Variants in KIF26B observed in about 807,000 individuals in gnomAD.
KIF26B encodes the protein kinesin family member 26B.
Under a neutral mutation model 151.2 loss-of-function variants are expected in KIF26B, and 63 were observed. The ratio of observed to expected loss-of-function variants is 0.42; its 90% CI spans 0.34 to 0.51. The LOEUF is 0.51. Among genes scored for constraint, KIF26B ranks in the 20% least tolerant of loss-of-function variants. KIF26B has a pLI of 0.07. For missense variants in KIF26B, 2,813 were observed against 2,913.6 expected (o/e 0.97, Z 0.79); for synonymous variants, 1,357 against 1,262.1 (o/e 1.08, Z -1.59).
In KIF26B at chr1:245,307,959, C is replaced by T. The variant is rs144396870; in HGVS notation, c.466-58875C>T. Among the ~76,000 whole-genome samples, 578 of 152,266 alleles carry T rather than the reference C, an allele frequency of 3.8e-3. 4 individuals are homozygous for T. Among genetic ancestry groups the T allele is most frequent in the South Asian group, 0.017 (84 of 4,824 alleles). On this transcript the variant is annotated intron_variant, in intron 2 of 14. Coordinates refer to ENST00000407071, the MANE Select transcript of KIF26B (RefSeq NM_018012.4). ...GTTTTACCATGTTGGCCAGGTCTAC[C>T]AGGAATCTTTAACTGGTTAATCTTT...
intron 5 of KIF26B, among the ~76,000 whole-genome samples, chr1:245,547,595 A>AAC (rs1661775482): frequency 6.6e-6 from 1 of 150,812 alleles, no homozygotes; most frequent in Admixed American, 6.6e-5. Flanking sequence ...CAAAAAAAAA[A>AAC]AAAAAAAAAA....
intron 2 of KIF26B, among the ~76,000 whole-genome samples, chr1:245,262,554 A>G (rs978890961): frequency 6.6e-6 from 1 of 151,974 alleles, no homozygotes; most frequent in Non-Finnish European, 1.5e-5. Context: ...TCTGGGGTTC[A>G]AGCGATTCTC....
rs768448794 is a variant in KIF26B, at chr1:245,241,946, T to C, written c.465+85263T>C. Among the ~76,000 whole-genome samples the C allele has an allele frequency of 2.6e-5, 4 of 152,176 alleles. No homozygotes were observed. The highest frequency in any genetic ancestry group is 5.9e-5 in the Non-Finnish European group (4 of 68,032). On this transcript the variant is annotated intron_variant, in intron 2 of 14. Transcript: ENST00000407071. The surrounding 1 kb of genome is among the most constrained non-coding windows in gnomAD (Gnocchi z 5.0). ...GCCATTCGAGATGCAGGCGTTGTCA[T>C]TCCTTGAAATTCTCACGCCTTCTAG...
chr1:245,684,535 C>A, intron 11 of KIF26B, 140 bp downstream of exon 11: 1 of 903,218 alleles, frequency 1.1e-6, no homozygotes, highest in Non-Finnish European at 1.6e-6. Context: ...CAACACGTGG[C>A]TCAGGGTCCA....
chr1:245,338,768 A>G (rs532616969), intron 2 of KIF26B, among the ~76,000 whole-genome samples: 2 of 152,256 alleles, frequency 1.3e-5, no homozygotes, highest in South Asian at 4.2e-4. Flanking sequence ...TACACCCCTC[A>G]GAAGCCTCCC....
intron 2 of KIF26B, 109 bp from the exon 3 acceptor site, chr1:245,366,725 C>A (rs1672962311): frequency 1.9e-6 from 2 of 1,040,446 alleles, no homozygotes; most frequent in Admixed American, 2.5e-5. Flanking sequence ...ATCAAACTAT[C>A]CAACTCTTTG....
chr1:245,507,639 A>G (rs964548017), intron 4 of KIF26B, among the ~76,000 whole-genome samples: 1 of 152,184 alleles, frequency 6.6e-6, no homozygotes, highest in Non-Finnish European at 1.5e-5. Flanking sequence ...AGCAAGATCT[A>G]GAAGGCACAT....
At chr1:245,695,138 T>C (rs146364430) in intron 12 of KIF26B, among the ~76,000 whole-genome samples, 292 of 152,212 alleles carry the variant, frequency 1.9e-3, no homozygotes, top group African/African-American at 6.7e-3. Flanking sequence ...GGGCATCTGC[T>C]TGAGAGGTGG....
At chr1:245,451,115 A>T (rs1225962871) in intron 4 of KIF26B, among the ~76,000 whole-genome samples, 1 of 149,608 alleles carries the variant, frequency 6.7e-6, no homozygotes, top group Non-Finnish European at 1.5e-5. Context: ...ATTTATTTCT[A>T]CTTCTAGTTT....
At chr1:245,565,285 G>GTTT (rs1256119024) in intron 5 of KIF26B, among the ~76,000 whole-genome samples, 2 of 136,522 alleles carry the variant, frequency 1.5e-5, no homozygotes, top group Non-Finnish European at 1.6e-5. Context: ...TTTTTTTTGG[G>GTTT]TTTTTTTGTT....
intron 2 of KIF26B, among the ~76,000 whole-genome samples, chr1:245,254,798 A>G (rs4658731): frequency 0.52 from 79,395 of 152,034 alleles, 21,446 homozygotes; most frequent in East Asian, 0.7. Context: ...GCAGGCAGCT[A>G]TTCTTGTGTG....
intron 5 of KIF26B, among the ~76,000 whole-genome samples, chr1:245,573,540 G>T (rs374367766): frequency 3.3e-5 from 5 of 151,788 alleles, no homozygotes; most frequent in African/African-American, 7.3e-5. Context: ...AATTAAAAAA[G>T]AATAATAATA....
At chr1:245,349,384 G>A (rs1483179251) in intron 2 of KIF26B, among the ~76,000 whole-genome samples, 5 of 152,082 alleles carry the variant, frequency 3.3e-5, no homozygotes, top group African/African-American at 1.2e-4. Flanking sequence ...CATGTTTTCC[G>A]TTGATGGTAA....
At chr1:245,553,153 C>G (rs940697715) in intron 5 of KIF26B, among the ~76,000 whole-genome samples, 2 of 152,358 alleles carry the variant, frequency 1.3e-5, no homozygotes, top group East Asian at 1.9e-4. Context: ...ATCCTCATGA[C>G]ACCCCTGTGG....
In KIF26B at chr1:245,408,983, T is replaced by C. The variant is rs548597001; in HGVS notation, c.1000-10596T>C. On this transcript the variant is annotated intron_variant, in intron 3 of 14. Transcript: ENST00000407071. The stretch of plus-strand genomic sequence containing the variant: ...AAAGTGGCAATGGTGATAATGATGA[T>C]CTATGAGCCCACCTGTTTCACATCC... 3.3e-5 allele frequency among the ~76,000 whole-genome samples: 5 copies of C among 152,294 alleles called. No homozygotes were observed. The East Asian group carries it at 7.7e-4, about 24-fold the overall frequency.
chr1:245,473,424 T>C (rs1659956511), intron 4 of KIF26B, among the ~76,000 whole-genome samples: 1 of 152,260 alleles, frequency 6.6e-6, no homozygotes, highest in Admixed American at 6.5e-5. Context: ...CATTTGAATG[T>C]GTTGGTGACA....
chr1:245,512,893 T>TA lies in KIF26B; in HGVS notation c.1167-27868dup, dbSNP rs1272437356. 2.6e-5 allele frequency among the ~76,000 whole-genome samples: 4 copies of TA among 152,084 alleles called. No homozygotes were observed. Among genetic ancestry groups the TA allele is most frequent in the Admixed American group, 1.3e-4 (2 of 15,260 alleles). Reference sequence around the variant, plus strand: ...ATCATGCCGGGGAAAGGAAAATCATTAAAAAACAATGACTAAAAACAGAAT... The same window carrying TA: ...ATCATGCCGGGGAAAGGAAAATCATTAAAAAAACAATGACTAAAAACAGAAT... On this transcript the variant is annotated intron_variant, in intron 4 of 14. Transcript: ENST00000407071. This position sits in a 1 kb window ranked among gnomAD's most constrained non-coding sequence, Gnocchi z 4.3.
chr1:245,565,346 T>C (rs1430202796), intron 5 of KIF26B, among the ~76,000 whole-genome samples: 1 of 151,674 alleles, frequency 6.6e-6, no homozygotes, highest in East Asian at 1.9e-4. Flanking sequence ...TGGAGTGCAG[T>C]GGCACCATCT....
At chr1:245,383,290 G>A (rs1250812979) in intron 3 of KIF26B, among the ~76,000 whole-genome samples, 1 of 151,888 alleles carries the variant, frequency 6.6e-6, no homozygotes, top group African/African-American at 2.4e-5. Flanking sequence ...AAAAATAGCG[G>A]TGGAATTGGT....
Sources: allele counts gnomAD v4.1 joint callset (sites outside exome capture counted in the v4.1 genomes callset), GRCh38; gene constraint gnomAD v4.1.1; non-coding constraint Gnocchi (gnomAD v3.1); transcripts MANE v1.5; gene names NCBI Gene and HGNC (gene_info 2026-07-23, HGNC 2026-07-21).